MAGI1: variants seen among roughly 807,000 people sequenced by gnomAD.
The protein encoded by MAGI1 is membrane-associated guanylate kinase, WW and PDZ domain-containing protein 1.
A neutral mutation model predicts 139.9 loss-of-function variants in MAGI1; 58 were observed. That is an observed-to-expected ratio of 0.41 (90% confidence interval 0.34 to 0.52). The LOEUF (loss-of-function observed/expected upper bound fraction) is 0.52, where lower values mean the gene tolerates loss of function less well. Among genes scored for constraint, MAGI1 ranks in the 20% least tolerant of loss-of-function variants. The pLI, the probability that MAGI1 is intolerant of heterozygous loss-of-function variation, is 0.12. For synonymous variants in MAGI1, 812 were observed against 737.9 expected (o/e 1.10, Z -1.63); for missense variants, 1,874 against 1,901.6 (o/e 0.99, Z 0.27).
intron 12 of MAGI1, among the ~76,000 whole-genome samples, chr3:65,423,574 A>T (rs1450318617): frequency 1.3e-5 from 2 of 152,232 alleles, no homozygotes; most frequent in Non-Finnish European, 2.9e-5. Flanking sequence ...TGCATAAGAT[A>T]TAGTCTTCAA....
intron 2 of MAGI1, among the ~76,000 whole-genome samples, chr3:65,522,208 C>A (rs190893145): frequency 2.1e-4 from 32 of 152,232 alleles, no homozygotes; most frequent in African/African-American, 7.7e-4. Flanking sequence ...AAAAAGAATT[C>A]TTCACTGCAA....
chr3:65,524,273 G>A (rs947611575), intron 2 of MAGI1, among the ~76,000 whole-genome samples: 22 of 152,088 alleles, frequency 1.4e-4, no homozygotes, highest in African/African-American at 5.1e-4. Flanking sequence ...TGGAAACGAT[G>A]GAGTCTCTCA....
At chr3:65,725,488 A>G (rs992774621) in intron 1 of MAGI1, among the ~76,000 whole-genome samples, 2 of 152,232 alleles carry the variant, frequency 1.3e-5, no homozygotes, top group African/African-American at 4.8e-5. Context: ...GGACAGAGGT[A>G]CAATTATCAG....
chr3:65,820,542 C>G (rs1213522678), intron 1 of MAGI1, among the ~76,000 whole-genome samples: 2 of 152,114 alleles, frequency 1.3e-5, no homozygotes, highest in Non-Finnish European at 2.9e-5. Flanking sequence ...CTTTCGGGGT[C>G]ATGAGCCTAT....
intron 22 of MAGI1, chr3:65,359,693 G>A (rs1940602449): frequency 1.0e-6 from 1 of 987,162 alleles, no homozygotes. Context: ...GACGCATGGA[G>A]ACATTACAGT....
At chr3:65,906,565 A>C (rs2061440829) in intron 1 of MAGI1, among the ~76,000 whole-genome samples, 1 of 152,172 alleles carries the variant, frequency 6.6e-6, no homozygotes, top group African/African-American at 2.4e-5. Context: ...AAGACAAAGA[A>C]AAGTTTCAAT....
chr3:65,963,919 T>C (rs1482735852), intron 1 of MAGI1, among the ~76,000 whole-genome samples: 3 of 152,156 alleles, frequency 2.0e-5, no homozygotes, highest in African/African-American at 4.8e-5. Context: ...CAAATACAGC[T>C]CATAATGATT....
chr3:65,832,699 C>A (rs2042593208), intron 1 of MAGI1, among the ~76,000 whole-genome samples: 1 of 152,060 alleles, frequency 6.6e-6, no homozygotes, highest in South Asian at 2.1e-4. Context: ...ACCTCCACAT[C>A]CTAGGGCAGC....
intron 10 of MAGI1, among the ~76,000 whole-genome samples, chr3:65,434,517 G>A (rs1411904839): frequency 6.6e-6 from 1 of 152,134 alleles, no homozygotes; most frequent in Non-Finnish European, 1.5e-5. Context: ...GTTGGCCTGT[G>A]AACTTGGCAA....
chr3:65,990,569 G>A (rs1044301841), intron 1 of MAGI1, among the ~76,000 whole-genome samples: 2 of 152,068 alleles, frequency 1.3e-5, no homozygotes, highest in African/African-American at 2.4e-5. Context: ...CCTTTGAGCC[G>A]GTTTGCCTCT....
intron 1 of MAGI1, among the ~76,000 whole-genome samples, chr3:65,758,466 T>C (rs577676941): frequency 2.9e-4 from 44 of 152,314 alleles, no homozygotes; most frequent in Non-Finnish European, 5.4e-4. Flanking sequence ...TTTTGCAAAC[T>C]GCCCATACAT....
chr3:65,854,176 TAAA>T (rs34812640), intron 1 of MAGI1, among the ~76,000 whole-genome samples: 27 of 139,264 alleles, frequency 1.9e-4, no homozygotes, highest in African/African-American at 5.5e-4. Flanking sequence ...TTTAAAGGTT[TAAA>T]AAAAAAAAAA....
chr3:65,542,578 G>C (rs1441321730), intron 2 of MAGI1, among the ~76,000 whole-genome samples: 2 of 152,130 alleles, frequency 1.3e-5, no homozygotes, highest in African/African-American at 4.8e-5. Context: ...GAACAGAACA[G>C]AGGCCTCAGA....
At chr3:65,771,565 C>G (rs945631393) in intron 1 of MAGI1, among the ~76,000 whole-genome samples, 1 of 152,126 alleles carries the variant, frequency 6.6e-6, no homozygotes, top group Non-Finnish European at 1.5e-5. Context: ...TTAAAACTAG[C>G]TATCAAAATA....
chr3:65,627,279 T>C (rs2084018984), intron 1 of MAGI1, among the ~76,000 whole-genome samples: 1 of 152,128 alleles, frequency 6.6e-6, no homozygotes, highest in South Asian at 2.1e-4. Flanking sequence ...TTTATGTAAG[T>C]GCACTCTATG....
chr3:65,792,579 T>C (rs1472430132), intron 1 of MAGI1, among the ~76,000 whole-genome samples: 3 of 151,982 alleles, frequency 2.0e-5, no homozygotes, highest in Admixed American at 6.6e-5. Flanking sequence ...TATAACAATA[T>C]AATAAAAGTA....
At chr3:65,429,413 C>T in intron 12 of MAGI1, 107 bp downstream of exon 12, 1 of 1,190,700 alleles carries the variant, frequency 8.4e-7, no homozygotes, top group Non-Finnish European at 1.2e-6. Context: ...CATTTTGAAA[C>T]ATTTAAATAA....
At chr3:65,461,968 GGTT>G (rs1949827649) in intron 5 of MAGI1, among the ~76,000 whole-genome samples, 2 of 151,996 alleles carry the variant, frequency 1.3e-5, no homozygotes, top group Non-Finnish European at 1.5e-5. Flanking sequence ...TTTTTGATAG[GGTT>G]GTTTTTTTCT....
intron 1 of MAGI1, among the ~76,000 whole-genome samples, chr3:65,866,657 T>C (rs1265487982): frequency 6.6e-6 from 1 of 152,138 alleles, no homozygotes; most frequent in Non-Finnish European, 1.5e-5. Context: ...GACATATGAA[T>C]TCCACTGTGG....
Sources: gnomAD v4.1 joint callset for allele counts (sites outside exome capture counted in the v4.1 genomes callset) on GRCh38, gnomAD v4.1.1 for gene constraint, MANE v1.5 for transcripts, NCBI Gene and HGNC (gene_info 2026-07-23, HGNC 2026-07-21) for gene names.